The following CHKA variants were observed in gnomAD, a reference collection of about 807,000 sequenced individuals.
CHKA encodes the protein choline kinase alpha.
Under a neutral mutation model 60.1 loss-of-function variants are expected in CHKA, and 34 were observed. That is an observed-to-expected ratio of 0.57 (90% confidence interval 0.43 to 0.75). The LOEUF (loss-of-function observed/expected upper bound fraction) is 0.75, where lower values mean the gene tolerates loss of function less well. Ranked by LOEUF, CHKA falls within the 30% of genes least tolerant of loss-of-function variation. The pLI, the probability that CHKA is intolerant of heterozygous loss-of-function variation, is 0.00. For synonymous variants in CHKA, 217 were observed against 223.1 expected (o/e 0.97, Z 0.24); for missense variants, 563 against 561.3 (o/e 1.00, Z -0.03).
chr11:68,068,240 G>A (rs573670017), intron 7 of CHKA, among the ~76,000 whole-genome samples: 6 of 152,192 alleles, frequency 3.9e-5, no homozygotes, highest in South Asian at 2.1e-4. Flanking sequence ...GGAAGGGCCC[G>A]GGACTCAATG....
At chr11:68,060,194 ATTTTTT>A (rs927628768) in intron 11 of CHKA, among the ~76,000 whole-genome samples, 1 of 145,032 alleles carries the variant, frequency 6.9e-6, no homozygotes, top group Non-Finnish European at 1.5e-5. Flanking sequence ...GGCCCAGCTA[ATTTTTT>A]TTTTTGTATT....
chr11:68,056,607 AG>A (rs1856024826), intron 11 of CHKA, among the ~76,000 whole-genome samples: 1 of 152,248 alleles, frequency 6.6e-6, no homozygotes. Context: ...GGAGGCTGAC[AG>A]GAAGGTGAAC....
intron 1 of CHKA, among the ~76,000 whole-genome samples, chr11:68,111,728 T>TC (rs1858148740): frequency 6.6e-6 from 1 of 151,798 alleles, no homozygotes; most frequent in African/African-American, 2.4e-5. Flanking sequence ...ACAAATGTCT[T>TC]TTACAACAAA....
chr11:68,066,644 A>ACAT (rs1431335026), intron 7 of CHKA, 128 bp from the exon 8 acceptor site: 2 of 741,304 alleles, frequency 2.7e-6, no homozygotes, highest in Non-Finnish European at 4.7e-6. Context: ...TGGTCTGTGG[A>ACAT]CATCACCAGG....
intron 11 of CHKA, among the ~76,000 whole-genome samples, chr11:68,057,857 A>T (rs868851771): frequency 7.2e-5 from 11 of 152,146 alleles, no homozygotes; most frequent in Non-Finnish European, 1.5e-4. Context: ...CACATGGATC[A>T]ATTTCTGGAC....
chr11:68,116,996 G>A (rs1424041780), intron 1 of CHKA, among the ~76,000 whole-genome samples: 1 of 152,156 alleles, frequency 6.6e-6, no homozygotes, highest in Non-Finnish European at 1.5e-5. Flanking sequence ...CGGTGTGCCA[G>A]GCACTATCCT....
chr11:68,071,184 C>T (rs937042388), intron 4 of CHKA, among the ~76,000 whole-genome samples: 4 of 152,224 alleles, frequency 2.6e-5, no homozygotes, highest in Non-Finnish European at 4.4e-5. Flanking sequence ...AATGTCTATT[C>T]ACTACCCAAT....
chr11:68,078,706 G>A lies in CHKA; in HGVS notation c.516+2698C>T, dbSNP rs373205853. On this transcript the variant is annotated intron_variant, in intron 3 of 11. Coordinates refer to ENST00000265689, the MANE Select transcript of CHKA (RefSeq NM_001277.3). ...TAACCTCAATTGTGAGAAAACACTA[G>A]ACAAGCTGAAATTGAGGAGACATTT... Among the ~76,000 whole-genome samples the A allele has an allele frequency of 1.3e-4, 20 of 152,250 alleles. 1 individual carries two copies. Among genetic ancestry groups the A allele is most frequent in the Admixed American group, 8.5e-4 (13 of 15,278 alleles).
At chr11:68,075,033 G>A (rs1177944640) in intron 3 of CHKA, among the ~76,000 whole-genome samples, 2 of 152,176 alleles carry the variant, frequency 1.3e-5, no homozygotes, top group Admixed American at 1.3e-4. Context: ...ATTCATGCTT[G>A]CAAGCACTAT....
chr11:68,113,660 G>A (rs915024265), intron 1 of CHKA, among the ~76,000 whole-genome samples: 2 of 151,036 alleles, frequency 1.3e-5, no homozygotes, highest in Admixed American at 6.6e-5. Flanking sequence ...ACACCACTGC[G>A]CTCCAGCCTG....
At chr11:68,112,190 A>G (rs751234842) in intron 1 of CHKA, among the ~76,000 whole-genome samples, 8 of 152,120 alleles carry the variant, frequency 5.3e-5, no homozygotes, top group Admixed American at 1.3e-4. Flanking sequence ...GCAAAACTAG[A>G]TAATTTCTTG....
Position 68,053,680 on chromosome 11 carries a change from T to C in CHKA, c.*308A>G, listed in dbSNP as rs1415244688. On this transcript the variant is annotated 3_prime_UTR_variant, in exon 12 of 12. Transcript: ENST00000265689. ...CTGCTTACTCTTGCTGTTTGCCTCA[T>C]CTGACTGGAAACCTTAGCCCCCAAA... The C allele has an allele frequency of 3.1e-6, 1 of 326,824 alleles. No homozygotes were observed. The highest frequency in any genetic ancestry group is 5.7e-6 in the Non-Finnish European group (1 of 175,144). 20.2% of individuals were successfully genotyped at this position (326,824 alleles called of 1,614,324 possible).
In CHKA at chr11:68,120,919, T is replaced by A. The variant is rs753532225; in HGVS notation, c.259A>T (p.Thr87Ser). ...PPADEQPEPR[T>S]RRRAYLWCKE... ...CACCACAGATAGGCCCTGCGCCGCG[T>A]CCGGGGCTCCGGCTGCTCGTCTGCG... Residue 87 changes from threonine to serine, a missense_variant, in exon 1 of 12, where the codon ACG (threonine) becomes TCG (serine). By Grantham distance (58) the Thr-to-Ser change is moderately conservative (BLOSUM62 1). Coordinates refer to ENST00000265689, the MANE Select transcript of CHKA (RefSeq NM_001277.3). 7 of 1,215,062 alleles carry A rather than the reference T, an allele frequency of 5.8e-6. No individual in the cohort carries two copies. The South Asian group carries it at 2.0e-4, about 34-fold the overall frequency. The allele number at this position is 1,215,062 out of a possible 1,614,324, so 75.3% of individuals were successfully genotyped here.
chr11:68,057,318 CTTTTCTTT>C (rs1856059755), intron 11 of CHKA, among the ~76,000 whole-genome samples: 1 of 152,050 alleles, frequency 6.6e-6, no homozygotes, highest in African/African-American at 2.4e-5. Context: ...GGTCAGTAAG[CTTTTCTTT>C]TTTTCTTTTT....
chr11:68,065,935 C>T (rs377253485), intron 8 of CHKA, 41 bp from the exon 9 acceptor site: 9 of 1,406,666 alleles, frequency 6.4e-6, no homozygotes, highest in South Asian at 2.4e-5. Flanking sequence ...TGAGGCAAAC[C>T]GTATGCCTGG....
chr11:68,113,081 CAAAAAAAAAAAAAAAAAAA>C (rs71040587), intron 1 of CHKA, among the ~76,000 whole-genome samples: 1 of 14,532 alleles, frequency 6.9e-5, no homozygotes. Flanking sequence ...GACTCCGTCT[CAAAAAAAAAAAAAAAAAAA>C]AAAAAAAAAA....
rs1373308573 is a variant in CHKA, at chr11:68,054,041, C to T, written c.1321G>A (p.Ala441Thr). The T allele has an allele frequency of 1.9e-6, 3 of 1,612,622 alleles. No individual in the cohort carries two copies. Among genetic ancestry groups the T allele is most frequent in the East Asian group, 2.2e-5 (1 of 44,876 alleles). Residue 441 changes from alanine (A) to threonine (T), a missense_variant, in exon 12 of 12, where the codon GCC becomes ACC. Transcript: ENST00000265689. ...AAATAGGCATCAAACCTTGCTTGGG[C>T]GTAGTCCTAGGAGACAGCAAAGAGA... ...SSIEFGYMDYAQARFDAYFHQ... is the reference protein window; with the variant it reads ...SSIEFGYMDYTQARFDAYFHQ...
At chr11:68,095,218 C>T (rs1231423146) in intron 2 of CHKA, among the ~76,000 whole-genome samples, 3 of 151,446 alleles carry the variant, frequency 2.0e-5, no homozygotes, top group Non-Finnish European at 4.4e-5. Flanking sequence ...TCCTGGCTAA[C>T]ATGGTGAAAC....
chr11:68,068,017 T>A (rs1296511330), intron 7 of CHKA, among the ~76,000 whole-genome samples: 2 of 152,090 alleles, frequency 1.3e-5, no homozygotes, highest in African/African-American at 4.8e-5. Flanking sequence ...GCAGCACCAG[T>A]GGGAGCTGCA....
Sources: gnomAD v4.1 joint callset for allele counts (sites outside exome capture counted in the v4.1 genomes callset) on GRCh38, gnomAD v4.1.1 for gene constraint, MANE v1.5 for transcripts, NCBI Gene and HGNC (gene_info 2026-07-23, HGNC 2026-07-21) for gene names.